The following CDH12 variants were observed in gnomAD, a reference collection of about 807,000 sequenced individuals.
CDH12 encodes cadherin 12.
A neutral mutation model predicts 74.1 loss-of-function variants in CDH12; 41 were observed. The ratio of observed to expected loss-of-function variants is 0.55; its 90% confidence interval spans 0.43 to 0.72. The LOEUF (loss-of-function observed/expected upper bound fraction) is 0.72, where lower values mean the gene tolerates loss of function less well. Among genes scored for constraint, CDH12 ranks in the 30% least tolerant of loss-of-function variants. CDH12 has a pLI of 0.00. For synonymous variants in CDH12, 399 were observed against 355.0 expected (o/e 1.12, Z -1.39); for missense variants, 945 against 977.2 (o/e 0.97, Z 0.44).
At position 22,152,780 on chromosome 5, in the gene CDH12, C is replaced by G. The variant is rs1321147641; in HGVS notation, c.-187+59718G>C. ...CAATGTCTCCTCACCCTACTCACTC[C>G]TCAAATATCCCTACTCTTGGAAACC... On this transcript the variant is annotated intron_variant, in intron 4 of 14. Transcript: ENST00000382254. Among the ~76,000 whole-genome samples, 5 of 152,276 alleles carry G rather than the reference C, an allele frequency of 3.3e-5. No individual in the cohort carries two copies. The South Asian group carries it at 6.2e-4, about 19-fold the overall frequency.
chr5:22,219,860 A>C (rs1751951534), intron 3 of CDH12, among the ~76,000 whole-genome samples: 7 of 151,784 alleles, frequency 4.6e-5, no homozygotes, highest in Admixed American at 4.6e-4. Context: ...TAGTAAGATT[A>C]AATGAGTTAG....
At chr5:22,738,364 A>G (rs1455974750) in intron 1 of CDH12, among the ~76,000 whole-genome samples, 6 of 152,078 alleles carry the variant, frequency 3.9e-5, no homozygotes, top group Non-Finnish European at 7.4e-5. Flanking sequence ...GGGAAAAGGT[A>G]TTATCTTAAA....
intron 4 of CDH12, among the ~76,000 whole-genome samples, chr5:22,178,018 T>C (rs930950051): frequency 1.3e-5 from 2 of 152,170 alleles, no homozygotes; most frequent in Admixed American, 6.5e-5. Context: ...GAAAGTAACA[T>C]GATTGCTGTT....
chr5:21,755,682 G>T lies in CDH12; in HGVS notation c.1794C>A (p.Ile598=). The T allele has an allele frequency of 6.2e-7, 1 of 1,614,042 alleles. No individual in the cohort carries two copies. The highest frequency in any genetic ancestry group is 8.5e-7 in the Non-Finnish European group (1 of 1,179,978). ...AAATTGCTTCCACATTACAAGACAG[G>T]ATGGTGCCATCAGAGTCACATCTAC... ...RVCRCDSDGT[I]LSCNVEAIFL... is the part of the protein sequence containing the mutation. Residue 598 remains isoleucine, a synonymous_variant, in exon 14 of 15, where the codon ATC becomes ATA. Coordinates refer to ENST00000382254, the MANE Select transcript of CDH12 (RefSeq NM_004061.5).
chr5:22,082,347 G>A (rs114195743), intron 4 of CDH12, among the ~76,000 whole-genome samples: 1 of 151,980 alleles, frequency 6.6e-6, no homozygotes, highest in East Asian at 1.9e-4. Context: ...TTGCACTTTG[G>A]GGCCATTATT....
chr5:22,419,999 T>TTTTG (rs897714630), intron 2 of CDH12, among the ~76,000 whole-genome samples: 2 of 152,044 alleles, frequency 1.3e-5, no homozygotes, highest in African/African-American at 2.4e-5. Context: ...TGGGGTTTTT[T>TTTTG]TTTGTTTGTT....
At chr5:22,560,099 G>A (rs986287788) in intron 1 of CDH12, among the ~76,000 whole-genome samples, 5 of 152,118 alleles carry the variant, frequency 3.3e-5, no homozygotes, top group African/African-American at 4.8e-5. Flanking sequence ...TTATATCTGT[G>A]TATTAAGGTA....
rs188417073 is a variant in CDH12, at chr5:22,395,320, C to T, written c.-333+9937G>A. 4.5e-3 allele frequency among the ~76,000 whole-genome samples: 685 copies of T among 152,232 alleles called. 5 individuals are homozygous for T. Among genetic ancestry groups the T allele is most frequent in the African/African-American group, 0.016 (645 of 41,560 alleles). On this transcript the variant is annotated intron_variant, in intron 3 of 14. Coordinates refer to ENST00000382254, the MANE Select transcript of CDH12 (RefSeq NM_004061.5). ...GGTTGTCAATGGCCACCAGAAGCTACAATAGGCAAGAGAAGCATTTTCCCA... is the reference window on the plus strand; with the variant it reads ...GGTTGTCAATGGCCACCAGAAGCTATAATAGGCAAGAGAAGCATTTTCCCA...
At chr5:22,563,791 G>A (rs1315561334) in intron 1 of CDH12, among the ~76,000 whole-genome samples, 1 of 152,162 alleles carries the variant, frequency 6.6e-6, no homozygotes, top group Non-Finnish European at 1.5e-5. Flanking sequence ...AAGGCAAGGA[G>A]GAGCAAGTAA....
At chr5:22,751,907 A>C (rs1027687652) in intron 1 of CDH12, among the ~76,000 whole-genome samples, 1 of 152,180 alleles carries the variant, frequency 6.6e-6, no homozygotes, top group Admixed American at 6.5e-5. Context: ...TGCTACATAA[A>C]CATCTATTTC....
chr5:22,466,935 C>T (rs186205902), intron 2 of CDH12, among the ~76,000 whole-genome samples: 2 of 151,648 alleles, frequency 1.3e-5, no homozygotes, highest in East Asian at 2.0e-4. Context: ...ACTACAGGCA[C>T]GTGCCGCCAA....
At chr5:22,749,152 G>T (rs1745434677) in intron 1 of CDH12, among the ~76,000 whole-genome samples, 1 of 152,226 alleles carries the variant, frequency 6.6e-6, no homozygotes, top group South Asian at 2.1e-4. Flanking sequence ...ATTGGCATAT[G>T]AGTTGTAACG....
intron 4 of CDH12, among the ~76,000 whole-genome samples, chr5:22,193,024 T>C (rs1276735573): frequency 6.6e-6 from 1 of 151,946 alleles, no homozygotes; most frequent in Non-Finnish European, 1.5e-5. Flanking sequence ...GAATGGAGTG[T>C]GGAAAAAAAA....
intron 10 of CDH12, among the ~76,000 whole-genome samples, chr5:21,786,473 C>G (rs1283951467): frequency 6.6e-6 from 1 of 151,780 alleles, no homozygotes; most frequent in Non-Finnish European, 1.5e-5. Flanking sequence ...TATTTTAAGT[C>G]TACTGTTGAG....
intron 5 of CDH12, among the ~76,000 whole-genome samples, chr5:21,996,420 C>G (rs1357603394): frequency 6.6e-6 from 1 of 152,152 alleles, no homozygotes; most frequent in Non-Finnish European, 1.5e-5. Flanking sequence ...TAAAATCAGG[C>G]CGCTGGAACT....
intron 1 of CDH12, among the ~76,000 whole-genome samples, chr5:22,673,235 G>C (rs1317320529): frequency 6.6e-6 from 1 of 152,020 alleles, no homozygotes; most frequent in Non-Finnish European, 1.5e-5. Flanking sequence ...AAACAAACTT[G>C]ATTATTTTTT....
intron 7 of CDH12, among the ~76,000 whole-genome samples, chr5:21,853,866 A>G (rs755797001): frequency 1.3e-5 from 2 of 151,650 alleles, no homozygotes; most frequent in Non-Finnish European, 3.0e-5. Context: ...TCAATTTGCA[A>G]TATGTTCTAA....
chr5:22,490,135 G>A (rs1746799059), intron 2 of CDH12, among the ~76,000 whole-genome samples: 1 of 152,042 alleles, frequency 6.6e-6, no homozygotes, highest in Non-Finnish European at 1.5e-5. Context: ...CAAATATATT[G>A]TTTTCACCTT....
intron 2 of CDH12, among the ~76,000 whole-genome samples, chr5:22,408,779 T>A (rs1340613188): frequency 1.3e-5 from 2 of 151,880 alleles, no homozygotes; most frequent in African/African-American, 4.8e-5. Context: ...CACCACATTT[T>A]AAAGACCTAA....
Sources: gnomAD v4.1 joint callset for allele counts (sites outside exome capture counted in the v4.1 genomes callset) on GRCh38, gnomAD v4.1.1 for gene constraint, MANE v1.5 for transcripts, NCBI Gene and HGNC (gene_info 2026-07-23, HGNC 2026-07-21) for gene names.